The following CR1L variants were observed in gnomAD, a reference collection of about 807,000 sequenced individuals.
The protein encoded by CR1L is complement component receptor 1-like protein.
Under a neutral mutation model 62.3 loss-of-function variants are expected in CR1L, and 59 were observed. The ratio of observed to expected loss-of-function variants is 0.95; its 90% CI spans 0.77 to 1.18. The LOEUF (loss-of-function observed/expected upper bound fraction) is 1.18. Among genes scored for constraint, CR1L ranks in the 50% most tolerant of loss-of-function variants. CR1L has a pLI of 0.00. For synonymous variants in CR1L, 279 were observed against 248.7 expected (o/e 1.12, Z -1.15); for missense variants, 700 against 702.8 (o/e 1.00, Z 0.04).
At chr1:207,657,489 T>A (rs1663335274) in intron 1 of CR1L, 4 of 442,260 alleles carry the variant, frequency 9.0e-6, no homozygotes, top group Non-Finnish European at 1.6e-5. Flanking sequence ...CTAGCTAGAG[T>A]TCTCTATTTT....
At chr1:207,684,034 G>A (rs993264352) in intron 4 of CR1L, 77 bp downstream of exon 4, 26 of 1,379,950 alleles carry the variant, frequency 1.9e-5, no homozygotes, top group African/African-American at 1.7e-4. Flanking sequence ...AATCTTAACC[G>A]AATTCCTTCT....
At chr1:207,711,024 A>G (rs1356451397) in intron 10 of CR1L, among the ~76,000 whole-genome samples, 1 of 152,346 alleles carries the variant, frequency 6.6e-6, no homozygotes, top group Middle Eastern at 3.4e-3. Context: ...TCACCTATTA[A>G]TCAATTGTCA....
At position 207,645,287 on chromosome 1, in the gene CR1L, G is replaced by T. The variant is rs753930141; in HGVS notation, c.54G>T (p.Gly18=). The T allele has an allele frequency of 2.5e-6, 4 of 1,613,934 alleles. No homozygotes were observed. The highest frequency in any genetic ancestry group is 2.5e-6 in the Non-Finnish European group (3 of 1,180,012). ...ERPFPSRRFP[G]LLLAALVLLL... ...CCTTTCCTTCCCGGCGCTTTCCTGG[G>T]TTGCTTCTGGCGGCCCTGGTGTTGC... The change falls in exon 1 of 12, where the codon GGG becomes GGT. Residue 18 remains glycine, a synonymous_variant. Transcript: ENST00000508064.
chr1:207,710,588 T>C (rs1364892299), intron 10 of CR1L: 3 of 1,610,086 alleles, frequency 1.9e-6, no homozygotes, highest in Non-Finnish European at 2.5e-6. Flanking sequence ...AGTCCCTCAG[T>C]GCATTATACC....
At chr1:207,661,031 C>A (rs189239144) in intron 1 of CR1L, among the ~76,000 whole-genome samples, 2 of 152,146 alleles carry the variant, frequency 1.3e-5, no homozygotes, top group East Asian at 1.9e-4. Context: ...AATTTCTTTT[C>A]TTTTACATTT....
intron 11 of CR1L, among the ~76,000 whole-genome samples, 196 bp downstream of exon 11, chr1:207,717,887 T>A (rs985438229): frequency 9.9e-5 from 15 of 152,114 alleles, no homozygotes; most frequent in African/African-American, 3.4e-4. Context: ...TCTGATGGCC[T>A]TTGGGGTGAG....
intron 9 of CR1L, among the ~76,000 whole-genome samples, chr1:207,704,949 GT>G (rs1664246427): frequency 6.6e-6 from 1 of 152,170 alleles, no homozygotes; most frequent in African/African-American, 2.4e-5. Context: ...TACAACAGAA[GT>G]TTTTGGAGTT....
At chr1:207,692,249 G>A (rs1475335228) in intron 4 of CR1L, among the ~76,000 whole-genome samples, 1 of 152,196 alleles carries the variant, frequency 6.6e-6, no homozygotes, top group Non-Finnish European at 1.5e-5. Flanking sequence ...AGACGTAATT[G>A]TTGTTGTTGT....
chr1:207,679,330 A>C (rs1486166302), intron 3 of CR1L, among the ~76,000 whole-genome samples: 1 of 151,818 alleles, frequency 6.6e-6, no homozygotes, highest in African/African-American at 2.4e-5. Context: ...CAATAAGGAC[A>C]CCAGTCATAT....
In CR1L at chr1:207,678,308, A is replaced by G; in HGVS notation, c.377+11A>G. The stretch of plus-strand genomic sequence containing the variant: ...TTCTTGTCCTAAAGGGTGAGTTGGC[A>G]TCTCTTGAACCAACATCTCTTGGTT... On this transcript the variant is annotated intron_variant, in intron 3 of 11. Coordinates refer to ENST00000508064, the MANE Select transcript of CR1L (RefSeq NM_175710.2). 6.2e-7 allele frequency: 1 copy of G among 1,607,702 alleles called. No homozygotes were observed. The highest frequency in any genetic ancestry group is 8.5e-7 in the Non-Finnish European group (1 of 1,174,202).
intron 1 of CR1L, among the ~76,000 whole-genome samples, chr1:207,657,901 T>C (rs1445445716): frequency 6.6e-6 from 1 of 152,084 alleles, no homozygotes; most frequent in Non-Finnish European, 1.5e-5. Context: ...AATAAGACAA[T>C]TTTCCACAAA....
At chr1:207,679,140 G>C (rs1476998367) in intron 3 of CR1L, among the ~76,000 whole-genome samples, 1 of 149,780 alleles carries the variant, frequency 6.7e-6, no homozygotes, top group Admixed American at 6.7e-5. Context: ...TGGGACAACA[G>C]GTGCCCACCA....
intron 10 of CR1L, among the ~76,000 whole-genome samples, chr1:207,713,262 A>G (rs1157277104): frequency 6.6e-6 from 1 of 152,234 alleles, no homozygotes; most frequent in Non-Finnish European, 1.5e-5. Context: ...TGCTAGAAAA[A>G]AAAGATGAAT....
intron 5 of CR1L, among the ~76,000 whole-genome samples, chr1:207,695,511 G>A (rs185546194): frequency 1.3e-5 from 2 of 152,208 alleles, no homozygotes; most frequent in Admixed American, 6.5e-5. Flanking sequence ...AGACTGAAAC[G>A]CAAGTCCACC....
intron 10 of CR1L, among the ~76,000 whole-genome samples, chr1:207,716,151 C>T (rs1653993051): frequency 6.6e-6 from 1 of 152,036 alleles, no homozygotes; most frequent in Non-Finnish European, 1.5e-5. Flanking sequence ...AAGCCACCTC[C>T]CTACTTTCCT....
chr1:207,665,937 T>A (rs1663515744), intron 1 of CR1L, among the ~76,000 whole-genome samples: 1 of 152,208 alleles, frequency 6.6e-6, no homozygotes. Context: ...TCCTGAGTGA[T>A]ACACGTGTGT....
At chr1:207,687,973 A>G (rs1663938001) in intron 4 of CR1L, among the ~76,000 whole-genome samples, 2 of 151,640 alleles carry the variant, frequency 1.3e-5, no homozygotes, top group South Asian at 2.1e-4. Flanking sequence ...TGCTTTTTCT[A>G]TTCTACTTAG....
At chr1:207,690,201 A>G (rs1663976558) in intron 4 of CR1L, among the ~76,000 whole-genome samples, 1 of 151,980 alleles carries the variant, frequency 6.6e-6, no homozygotes, top group African/African-American at 2.4e-5. Context: ...TTTGTTTTCA[A>G]CCTTTATTTT....
chr1:207,669,359 T>G, intron 1 of CR1L: 5 of 844,020 alleles, frequency 5.9e-6, no homozygotes, highest in African/African-American at 1.8e-5. Context: ...AGCACAAGGA[T>G]TGGTCACTCC....
Sources: allele counts gnomAD v4.1 joint callset (sites outside exome capture counted in the v4.1 genomes callset), GRCh38; gene constraint gnomAD v4.1.1; transcripts MANE v1.5; gene names NCBI Gene and HGNC (gene_info 2026-07-23, HGNC 2026-07-21).